The following MOB1B variants were observed in gnomAD, a reference collection of about 807,000 sequenced individuals.
The protein encoded by MOB1B is MOB kinase activator 1B, also known as MOB1 Mps One Binder homolog B.
A neutral mutation model predicts 24.4 loss-of-function variants in MOB1B; 19 were observed. The observed-to-expected ratio is 0.78, with a 90% CI of 0.54 to 1.14. The LOEUF (loss-of-function observed/expected upper bound fraction) is 1.14. MOB1B is among the 50% of genes most tolerant of loss of function. The pLI, the probability that MOB1B is intolerant of heterozygous loss-of-function variation, is 0.00. For missense variants in MOB1B, 243 were observed against 259.6 expected (o/e 0.94, Z 0.44); for synonymous variants, 76 against 82.1 (o/e 0.93, Z 0.40).
At chr4:70,941,402 G>A (rs1485399077) in intron 1 of MOB1B, among the ~76,000 whole-genome samples, 1 of 152,032 alleles carries the variant, frequency 6.6e-6, no homozygotes, top group East Asian at 1.9e-4. Flanking sequence ...AGTGCAATGT[G>A]GTGATCTCGG....
At chr4:70,969,722 T>C (rs577585203) in intron 2 of MOB1B, among the ~76,000 whole-genome samples, 3 of 152,350 alleles carry the variant, frequency 2.0e-5, no homozygotes, top group African/African-American at 7.2e-5. Context: ...AATAATCTCT[T>C]CATCTCTATG....
chr4:70,951,834 T>G (rs909289199), intron 1 of MOB1B, among the ~76,000 whole-genome samples: 1 of 152,216 alleles, frequency 6.6e-6, no homozygotes, highest in Non-Finnish European at 1.5e-5. Flanking sequence ...GCCCCTGCAT[T>G]CCTGCCTGGG....
In MOB1B at chr4:70,985,392, T is replaced by C. The variant is rs548699474; in HGVS notation, c.*3335T>C. 7 of 152,328 alleles carry C rather than the reference T, an allele frequency of 4.6e-5. No homozygotes were observed. Among genetic ancestry groups the C allele is most frequent in the Non-Finnish European group, 1.0e-4 (7 of 68,034 alleles). 9.4% of individuals were successfully genotyped at this position (152,328 alleles called of 1,614,324 possible). ...TTCCAGCTATACTGCAAAAGTATAATGTTTTTGGAACTGTTCTAGAGCATA... is the reference window on the plus strand; with the variant it reads ...TTCCAGCTATACTGCAAAAGTATAACGTTTTTGGAACTGTTCTAGAGCATA... On this transcript the variant is annotated 3_prime_UTR_variant, in exon 6 of 6. Transcript: ENST00000309395.
intron 1 of MOB1B, among the ~76,000 whole-genome samples, chr4:70,916,019 C>A (rs2169652): frequency 1 from 152,219 of 152,320 alleles, 76,059 homozygotes; most frequent in Non-Finnish European, 1. Context: ...AGTTTGCAGG[C>A]GATAAAACAA....
At chr4:70,979,824 T>C (rs1481565443) in intron 5 of MOB1B, among the ~76,000 whole-genome samples, 2 of 152,214 alleles carry the variant, frequency 1.3e-5, no homozygotes, top group African/African-American at 4.8e-5. Flanking sequence ...TAGTCTTTGG[T>C]CTGACTTCCT....
chr4:70,907,626 T>A (rs1243071825), intron 1 of MOB1B, among the ~76,000 whole-genome samples: 1 of 152,006 alleles, frequency 6.6e-6, no homozygotes, highest in Non-Finnish European at 1.5e-5. Context: ...CCCAGGAGTT[T>A]GAGAACAGCC....
At chr4:70,903,365 T>A (rs541226724) in intron 1 of MOB1B, among the ~76,000 whole-genome samples, 1 of 152,172 alleles carries the variant, frequency 6.6e-6, no homozygotes, top group Non-Finnish European at 1.5e-5. Flanking sequence ...CACTTACTTA[T>A]CGTTTGTTCC....
intron 1 of MOB1B, among the ~76,000 whole-genome samples, chr4:70,925,347 A>AT (rs1374513845): frequency 1.2e-4 from 18 of 151,998 alleles, no homozygotes; most frequent in Admixed American, 1.0e-3. Context: ...AGCTTTATTG[A>AT]TTTTAGCTTT....
intron 4 of MOB1B, chr4:70,975,932 C>G (rs778801791): frequency 2.8e-5 from 16 of 569,430 alleles, no homozygotes; most frequent in African/African-American, 8.2e-5. Flanking sequence ...AAGAGTATCT[C>G]TGTATTGCCC....
At chr4:70,948,346 C>A (rs62325395) in intron 1 of MOB1B, among the ~76,000 whole-genome samples, 2 of 152,108 alleles carry the variant, frequency 1.3e-5, no homozygotes, top group South Asian at 2.1e-4. Flanking sequence ...ACAAATCGCC[C>A]GTTTAGAGTG....
chr4:70,909,052 A>G (rs1380434624), intron 1 of MOB1B, among the ~76,000 whole-genome samples: 1 of 146,766 alleles, frequency 6.8e-6, no homozygotes, highest in Non-Finnish European at 1.5e-5. Flanking sequence ...CTCCATCTCA[A>G]AAAAAAAAAA....
chr4:70,970,756 C>CA (rs1163699126), intron 3 of MOB1B, among the ~76,000 whole-genome samples: 1 of 152,030 alleles, frequency 6.6e-6, no homozygotes, highest in Admixed American at 6.6e-5. Context: ...GCCGTAGACT[C>CA]AAAGAATTTA....
At chr4:70,966,960 T>G (rs1286800603) in intron 2 of MOB1B, among the ~76,000 whole-genome samples, 1 of 152,090 alleles carries the variant, frequency 6.6e-6, no homozygotes, top group South Asian at 2.1e-4. Flanking sequence ...AGAAAAACCA[T>G]TTGCTAAAAT....
At chr4:70,962,771 G>T (rs1387688868) in intron 2 of MOB1B, among the ~76,000 whole-genome samples, 2 of 152,084 alleles carry the variant, frequency 1.3e-5, no homozygotes, top group African/African-American at 4.8e-5. Flanking sequence ...GGCCACGGTG[G>T]GTGGATCACT....
At chr4:70,902,629 C>A (rs1259827392) in intron 1 of MOB1B, 79 bp downstream of exon 1, 4 of 1,400,860 alleles carry the variant, frequency 2.9e-6, no homozygotes, top group Non-Finnish European at 3.8e-6. Context: ...GCCCGTCGCC[C>A]GCCCTCGTCC....
chr4:70,943,569 T>C (rs1301275649), intron 1 of MOB1B, among the ~76,000 whole-genome samples: 1 of 152,224 alleles, frequency 6.6e-6, no homozygotes, highest in Non-Finnish European at 1.5e-5. Flanking sequence ...TCAACAATCA[T>C]TGATCATTTA....
At chr4:70,954,173 T>C (rs1305948507) in intron 1 of MOB1B, among the ~76,000 whole-genome samples, 2 of 152,214 alleles carry the variant, frequency 1.3e-5, no homozygotes, top group Non-Finnish European at 2.9e-5. Context: ...AGGGATAGAA[T>C]AGGATTTGGG....
chr4:70,939,860 A>G (rs1250900660), intron 1 of MOB1B, among the ~76,000 whole-genome samples: 1 of 152,210 alleles, frequency 6.6e-6, no homozygotes, highest in Non-Finnish European at 1.5e-5. Context: ...TCACAGGTGG[A>G]CTTGGAGAAA....
At chr4:70,914,749 G>C (rs554782122) in intron 1 of MOB1B, among the ~76,000 whole-genome samples, 2 of 152,170 alleles carry the variant, frequency 1.3e-5, no homozygotes, top group Admixed American at 6.5e-5. Context: ...TTCTCAGGTA[G>C]TTGTTTGCTC....
Sources: allele counts gnomAD v4.1 joint callset (sites outside exome capture counted in the v4.1 genomes callset), GRCh38; gene constraint gnomAD v4.1.1; transcripts MANE v1.5; gene names NCBI Gene and HGNC (gene_info 2026-07-23, HGNC 2026-07-21).